Variants in ROBO2 observed in about 807,000 individuals in gnomAD.
ROBO2 encodes roundabout homolog 2.
Under a neutral mutation model 160.8 loss-of-function variants are expected in ROBO2, and 53 were observed. The observed-to-expected ratio is 0.33, with a 90% CI of 0.26 to 0.41. The LOEUF (loss-of-function observed/expected upper bound fraction) is 0.41, where lower values mean the gene tolerates loss of function less well. Ranked by LOEUF, ROBO2 falls within the 10% of genes least tolerant of loss-of-function variation. ROBO2 has a pLI of 1.00. For missense variants in ROBO2, 1,577 were observed against 1,722.4 expected (o/e 0.92, Z 1.49); for synonymous variants, 664 against 611.7 (o/e 1.09, Z -1.26).
chr3:77,196,438 A>G (rs909908606), intron 2 of ROBO2, among the ~76,000 whole-genome samples: 2 of 151,730 alleles, frequency 1.3e-5, no homozygotes, highest in African/African-American at 4.8e-5. Context: ...TTTGCAACAG[A>G]TGGTTTGAGA....
chr3:76,003,129 C>T (rs1049935289), intron 2 of ROBO2, among the ~76,000 whole-genome samples: 1 of 152,166 alleles, frequency 6.6e-6, no homozygotes, highest in Admixed American at 6.5e-5. Flanking sequence ...CCTGCAGTAA[C>T]TGCAGGGTTT....
chr3:76,975,623 T>C (rs2059780411), intron 2 of ROBO2, among the ~76,000 whole-genome samples: 1 of 152,144 alleles, frequency 6.6e-6, no homozygotes, highest in Non-Finnish European at 1.5e-5. Flanking sequence ...TTCCCGAAGC[T>C]TTCTTTTCCT....
At chr3:76,431,573 A>C (rs2076438770) in intron 2 of ROBO2, among the ~76,000 whole-genome samples, 2 of 152,116 alleles carry the variant, frequency 1.3e-5, no homozygotes, top group Admixed American at 1.3e-4. Context: ...TAATGTGGTT[A>C]AGTGTTCCCA....
intron 2 of ROBO2, among the ~76,000 whole-genome samples, chr3:77,148,449 G>A (rs76968465): frequency 0.013 from 2,000 of 152,174 alleles, 63 homozygotes; most frequent in African/African-American, 0.045. Context: ...TTCACTCAAC[G>A]CTTAAGAGGA....
intron 2 of ROBO2, among the ~76,000 whole-genome samples, chr3:76,655,346 G>A (rs12487781): frequency 0.81 from 119,423 of 146,750 alleles, 48,742 homozygotes; most frequent in South Asian, 0.93. Flanking sequence ...ATAAGAACCT[G>A]TAAAATTACA....
chr3:76,045,758 A>G (rs1402645458), intron 2 of ROBO2, among the ~76,000 whole-genome samples: 4 of 151,982 alleles, frequency 2.6e-5, no homozygotes, highest in African/African-American at 9.7e-5. Flanking sequence ...TATTTCAGGA[A>G]TCTTTGCTGC....
At chr3:75,999,349 A>C (rs528248818) in intron 2 of ROBO2, among the ~76,000 whole-genome samples, 1 of 152,322 alleles carries the variant, frequency 6.6e-6, no homozygotes, top group East Asian at 1.9e-4. Flanking sequence ...AAGGAACATT[A>C]AATGTCCCCC....
rs188625944 is a variant in ROBO2 at position 77,615,552 on chromosome 3, G to A, written c.3294-1961G>A. On this transcript the variant is annotated intron_variant, in intron 21 of 25. Transcript: ENST00000461745. ...CTCATCTTTTTCCTGTCTCCGTAGC[G>A]TTGACTTTTCCAGGGTGTCAAGTAG... 4.1e-3 allele frequency among the ~76,000 whole-genome samples: 625 copies of A among 152,240 alleles called. 4 individuals carry two copies. The highest frequency in any genetic ancestry group is 7.4e-3 in the Non-Finnish European group (506 of 68,018).
intron 2 of ROBO2, among the ~76,000 whole-genome samples, chr3:76,219,404 G>T (rs1001895242): frequency 1.3e-5 from 2 of 152,068 alleles, no homozygotes; most frequent in Non-Finnish European, 2.9e-5. Context: ...CAGCATGGGA[G>T]AAAATTTTTG....
intron 2 of ROBO2, among the ~76,000 whole-genome samples, chr3:76,712,491 A>G (rs2093313887): frequency 6.6e-6 from 1 of 152,050 alleles, no homozygotes; most frequent in Non-Finnish European, 1.5e-5. Flanking sequence ...CCCGGCCAAC[A>G]TGGTGAAACC....
At chr3:76,454,019 G>T (rs116305831) in intron 2 of ROBO2, among the ~76,000 whole-genome samples, 1 of 152,116 alleles carries the variant, frequency 6.6e-6, no homozygotes, top group South Asian at 2.1e-4. Flanking sequence ...CTTATACATG[G>T]TTGTGTGTTT....
intron 2 of ROBO2, among the ~76,000 whole-genome samples, chr3:76,104,098 A>C (rs539922474): frequency 6.6e-6 from 1 of 152,204 alleles, no homozygotes. Context: ...TCTTTAGCTT[A>C]TAGGCCAGTG....
intron 2 of ROBO2, among the ~76,000 whole-genome samples, chr3:77,309,154 T>C (rs890148011): frequency 6.6e-6 from 1 of 152,040 alleles, no homozygotes; most frequent in African/African-American, 2.4e-5. Flanking sequence ...GCTTAAAATC[T>C]AAGAAAACTT....
intron 2 of ROBO2, among the ~76,000 whole-genome samples, chr3:77,395,753 T>A (rs944018937): frequency 5.9e-5 from 9 of 152,128 alleles, no homozygotes; most frequent in Non-Finnish European, 1.3e-4. Context: ...CCAGAATTTT[T>A]AAGGGAATTT....
At chr3:77,054,950 G>GTGTGTGTGTT in intron 1 of ROBO2, among the ~76,000 whole-genome samples, 1 of 151,980 alleles carries the variant, frequency 6.6e-6, no homozygotes, top group Non-Finnish European at 1.5e-5. Flanking sequence ...GTGTGTGTGT[G>GTGTGTGTGTT]TGTGTAAAAC....
At chr3:77,116,295 A>C (rs1449951681) in intron 2 of ROBO2, among the ~76,000 whole-genome samples, 1 of 152,190 alleles carries the variant, frequency 6.6e-6, no homozygotes, top group African/African-American at 2.4e-5. Flanking sequence ...ACATTGCTAA[A>C]GCTTTTATCT....
At chr3:76,353,445 A>G (rs2074991483) in intron 2 of ROBO2, among the ~76,000 whole-genome samples, 2 of 151,944 alleles carry the variant, frequency 1.3e-5, no homozygotes, top group Admixed American at 6.6e-5. Flanking sequence ...GTTGTGCTTC[A>G]TCTATATAAA....
intron 2 of ROBO2, among the ~76,000 whole-genome samples, chr3:76,147,884 T>G (rs1382897507): frequency 6.6e-6 from 1 of 152,054 alleles, no homozygotes; most frequent in Non-Finnish European, 1.5e-5. Flanking sequence ...GTAGTTTCAC[T>G]GGTATGTGTG....
At chr3:76,467,019 C>G (rs2078399934) in intron 2 of ROBO2, among the ~76,000 whole-genome samples, 1 of 151,882 alleles carries the variant, frequency 6.6e-6, no homozygotes, top group African/African-American at 2.4e-5. Flanking sequence ...AGTTTCAAGA[C>G]AGCTGAAAAA....
Sources: allele counts gnomAD v4.1 joint callset (sites outside exome capture counted in the v4.1 genomes callset), GRCh38; gene constraint gnomAD v4.1.1; transcripts MANE v1.5; gene names NCBI Gene and HGNC (gene_info 2026-07-23, HGNC 2026-07-21).